ARID1B: variants seen among roughly 807,000 people sequenced by gnomAD.
ARID1B encodes the protein AT-rich interactive domain-containing protein 1B.
A neutral mutation model predicts 212.3 loss-of-function variants in ARID1B; 30 were observed. The observed-to-expected ratio is 0.14, with a 90% confidence interval of 0.11 to 0.19. ARID1B has a LOEUF of 0.19. ARID1B is among the 10% of genes least tolerant of loss of function. The pLI is 1.00. For missense variants in ARID1B, 2,891 were observed against 3,204.0 expected, an observed-to-expected ratio of 0.90 and a Z score of 2.36; for synonymous variants, 1,402 against 1,301.7, an observed-to-expected ratio of 1.08 and a Z score of -1.66.
chr6:157,128,034 C>T (rs1228579681), intron 6 of ARID1B, among the ~76,000 whole-genome samples: 5 of 151,776 alleles, frequency 3.3e-5, no homozygotes, highest in African/African-American at 7.3e-5. Context: ...TGTTTATCTC[C>T]GTTAATCCTC....
chr6:156,848,606 G>T (rs1193784461), intron 2 of ARID1B, among the ~76,000 whole-genome samples: 1 of 152,224 alleles, frequency 6.6e-6, no homozygotes, highest in Non-Finnish European at 1.5e-5. Context: ...CATCCTGGCT[G>T]GAGGTTGTTA....
chr6:157,043,627 A>G (rs370460455), intron 4 of ARID1B, among the ~76,000 whole-genome samples: 5 of 152,292 alleles, frequency 3.3e-5, no homozygotes, highest in East Asian at 1.9e-4. Context: ...AGTGTTAACA[A>G]TTGTCACTGC....
intron 4 of ARID1B, among the ~76,000 whole-genome samples, chr6:157,084,138 C>A (rs1012835090): frequency 1.3e-5 from 2 of 149,046 alleles, no homozygotes; most frequent in Non-Finnish European, 3.0e-5. Context: ...TCATCACCTC[C>A]CCCCCAAAAA....
At chr6:157,043,903 T>A (rs192504984) in intron 4 of ARID1B, among the ~76,000 whole-genome samples, 227 of 152,364 alleles carry the variant, frequency 1.5e-3, no homozygotes, top group African/African-American at 5.2e-3. Context: ...TCTGCAGTTG[T>A]ATTCATTCAT....
intron 4 of ARID1B, among the ~76,000 whole-genome samples, chr6:157,081,285 A>G (rs1274091304): frequency 1.3e-5 from 2 of 152,218 alleles, no homozygotes; most frequent in Admixed American, 1.3e-4. Context: ...TTATAAAAGA[A>G]GAATAGAGTT....
At chr6:157,130,348 G>A (rs902728415) in intron 6 of ARID1B, among the ~76,000 whole-genome samples, 1 of 152,124 alleles carries the variant, frequency 6.6e-6, no homozygotes, top group Non-Finnish European at 1.5e-5. Flanking sequence ...TGATCTCTAT[G>A]AAATTGAAAC....
chr6:157,182,432 G>T (rs1232513627), intron 12 of ARID1B, among the ~76,000 whole-genome samples: 1 of 152,100 alleles, frequency 6.6e-6, no homozygotes, highest in Non-Finnish European at 1.5e-5. Context: ...TCAGTACCTG[G>T]GCTACCACCC....
At chr6:157,145,502 G>A (rs549236878) in intron 7 of ARID1B, among the ~76,000 whole-genome samples, 4 of 152,212 alleles carry the variant, frequency 2.6e-5, no homozygotes, top group Admixed American at 6.5e-5. Flanking sequence ...CACGCCTCCC[G>A]GACAGCCAAA....
intron 3 of ARID1B, among the ~76,000 whole-genome samples, chr6:156,913,155 C>G (rs1790040252): frequency 2.0e-5 from 3 of 151,336 alleles, no homozygotes; most frequent in African/African-American, 7.3e-5. Context: ...ATATACATTA[C>G]CTCACATAGT....
chr6:157,040,654 C>T (rs755444410), intron 4 of ARID1B, among the ~76,000 whole-genome samples: 12 of 152,150 alleles, frequency 7.9e-5, no homozygotes, highest in Non-Finnish European at 1.8e-4. Context: ...GTACATGTGG[C>T]GAAACTACAA....
intron 4 of ARID1B, among the ~76,000 whole-genome samples, chr6:156,992,707 C>T (rs117782392): frequency 0.021 from 3,204 of 152,234 alleles, 59 homozygotes; most frequent in East Asian, 0.085. Context: ...CCTGTTTCTG[C>T]GCAGAGGTCA....
intron 4 of ARID1B, among the ~76,000 whole-genome samples, chr6:157,039,882 T>TTTTCCTTCCTTCCTTCCTTCCTTC (rs1554287391): frequency 2.1e-4 from 14 of 67,212 alleles, no homozygotes; most frequent in South Asian, 5.0e-4. Context: ...CTTTCTTTTC[T>TTTTCCTTCCTTCCTTCCTTCCTTC]CTTCCTTCCT....
chr6:156,778,186 A>C lies in ARID1B; in HGVS notation c.506A>C (p.His169Pro). ...PAAPPHQQHH[H>P]HHHAHHHHHH... ...GCGCCGCCCCACCAGCAGCACCACC[A>C]CCACCACCATGCCCACCACCACCAC... The change falls in exon 1 of 20, where the codon CAC becomes CCC. Residue 169 changes from histidine (H) to proline (P), a missense_variant. Around this residue, in one of 7 missense-constraint regions of ARID1B, gnomAD observed 1,643 missense variants for 1,544.0 expected, o/e 1.06. Coordinates refer to ENST00000636930, the MANE Select transcript of ARID1B (RefSeq NM_001374828.1). 1 of 1,539,386 alleles carries C rather than the reference A, an allele frequency of 6.5e-7. No homozygotes were observed. The highest frequency in any genetic ancestry group is 8.7e-7 in the Non-Finnish European group (1 of 1,145,748).
chr6:156,897,463 G>A (rs985516068), intron 2 of ARID1B, among the ~76,000 whole-genome samples: 2 of 151,280 alleles, frequency 1.3e-5, no homozygotes, highest in African/African-American at 2.4e-5. Flanking sequence ...TAGTAGAGAC[G>A]GGGTTTTGTC....
intron 8 of ARID1B, among the ~76,000 whole-genome samples, chr6:157,160,081 T>C (rs113794818): frequency 1.1e-4 from 17 of 152,312 alleles, no homozygotes; most frequent in South Asian, 8.3e-4. Context: ...ATGGAAGCTT[T>C]CTTTGAGTGA....
chr6:156,885,828 A>C (rs1787457921), intron 2 of ARID1B, among the ~76,000 whole-genome samples: 1 of 152,224 alleles, frequency 6.6e-6, no homozygotes, highest in African/African-American at 2.4e-5. Flanking sequence ...AACGACTCAC[A>C]ACGAAGCCTC....
At chr6:156,802,249 C>A (rs866631750) in intron 1 of ARID1B, among the ~76,000 whole-genome samples, 1 of 152,170 alleles carries the variant, frequency 6.6e-6, no homozygotes. Flanking sequence ...AAATAAACTT[C>A]CTGTTTGCAA....
At chr6:156,853,328 A>G (rs796196029) in intron 2 of ARID1B, among the ~76,000 whole-genome samples, 16 of 152,222 alleles carry the variant, frequency 1.1e-4, no homozygotes, top group African/African-American at 3.6e-4. Flanking sequence ...TCAGAGCCCT[A>G]GAGTTGTCCT....
intron 9 of ARID1B, chr6:157,169,726 A>G (rs530485852): frequency 1.5e-4 from 23 of 152,312 alleles, no homozygotes; most frequent in Non-Finnish European, 2.6e-4. Context: ...TAAAGTGGAC[A>G]TCTAAATTCC....
Sources: allele counts gnomAD v4.1 joint callset (sites outside exome capture counted in the v4.1 genomes callset), GRCh38; gene constraint gnomAD v4.1.1; regional missense constraint gnomAD v4.1.1; transcripts MANE v1.5; gene names NCBI Gene and HGNC (gene_info 2026-07-23, HGNC 2026-07-21).